The following ZNF532 variants were observed in gnomAD, a reference collection of about 807,000 sequenced individuals.
ZNF532 encodes zinc finger protein 532.
A neutral mutation model predicts 89.3 loss-of-function variants in ZNF532; 22 were observed. That is an observed-to-expected ratio of 0.25 (90% confidence interval 0.18 to 0.35). The LOEUF (loss-of-function observed/expected upper bound fraction) is 0.35. ZNF532 is among the 10% of genes least tolerant of loss of function. ZNF532 has a pLI of 1.00. For missense variants in ZNF532, 1,132 were observed against 1,643.4 expected (o/e 0.69, Z 5.38); for synonymous variants, 606 against 649.6 (o/e 0.93, Z 1.02).
intron 7 of ZNF532, among the ~76,000 whole-genome samples, chr18:58,973,128 T>A (rs1170765957): frequency 1.3e-5 from 2 of 152,210 alleles, no homozygotes; most frequent in Non-Finnish European, 2.9e-5. Flanking sequence ...GACAGAGTTT[T>A]CACTCACTCT....
chr18:58,888,815 T>TATAA (rs1555709407), intron 2 of ZNF532, among the ~76,000 whole-genome samples: 1 of 16,796 alleles, frequency 6.0e-5, no homozygotes, highest in South Asian at 1.7e-3. Context: ...ATATAAAAAA[T>TATAA]TATATATATA....
At chr18:58,910,361 T>C (rs1171379001) in intron 2 of ZNF532, among the ~76,000 whole-genome samples, 1 of 152,230 alleles carries the variant, frequency 6.6e-6, no homozygotes, top group African/African-American at 2.4e-5. Flanking sequence ...AGTCATGTTA[T>C]TCATTTGTAT....
chr18:58,950,666 CA>C (rs2064071257), intron 6 of ZNF532, among the ~76,000 whole-genome samples: 6 of 151,306 alleles, frequency 4.0e-5, no homozygotes, highest in Admixed American at 3.9e-4. Flanking sequence ...CTTCTCCTAC[CA>C]AAATATAAAC....
At chr18:58,957,710 A>G (rs2147125349) in intron 7 of ZNF532, among the ~76,000 whole-genome samples, 1 of 152,304 alleles carries the variant, frequency 6.6e-6, no homozygotes, top group African/African-American at 2.4e-5. Flanking sequence ...TTTACTAAAA[A>G]GAAATATTCT....
At chr18:58,923,267 G>A (rs1326632275) in intron 3 of ZNF532, among the ~76,000 whole-genome samples, 1 of 151,472 alleles carries the variant, frequency 6.6e-6, no homozygotes. Context: ...AGGACCAGCA[G>A]TGTGAAAAGG....
rs78697584 is a variant in ZNF532, at chr18:58,921,616, A to G, written c.2346+983A>G. Reference sequence around the variant, plus strand: ...TTGTTTTGTAGTGAAGTGCAGGTCAATGTTGGTGAATTACATTTCACAGTG... The same window carrying G: ...TTGTTTTGTAGTGAAGTGCAGGTCAGTGTTGGTGAATTACATTTCACAGTG... On this transcript the variant is annotated intron_variant, in intron 3 of 9. Coordinates refer to ENST00000591808, the MANE Select transcript of ZNF532 (RefSeq NM_001375912.1). Among the ~76,000 whole-genome samples the G allele has an allele frequency of 4.9e-3, 749 of 152,340 alleles. 7 individuals carry two copies. Among genetic ancestry groups the G allele is most frequent in the African/African-American group, 0.016 (679 of 41,570 alleles).
intron 2 of ZNF532, among the ~76,000 whole-genome samples, chr18:58,909,810 G>A (rs1173068935): frequency 6.6e-6 from 1 of 152,310 alleles, no homozygotes; most frequent in South Asian, 2.1e-4. Flanking sequence ...TCAGGGAGGC[G>A]CTATGGCCAC....
chr18:58,933,018 C>T (rs1037862215), intron 3 of ZNF532, among the ~76,000 whole-genome samples: 1 of 152,026 alleles, frequency 6.6e-6, no homozygotes, highest in Non-Finnish European at 1.5e-5. Context: ...AATTCCCTGC[C>T]TGGGACTGTG....
intron 5 of ZNF532, among the ~76,000 whole-genome samples, chr18:58,947,439 A>C (rs1229327211): frequency 1.3e-5 from 2 of 152,234 alleles, no homozygotes; most frequent in African/African-American, 2.4e-5. Context: ...GAGACAAGTG[A>C]ATATTTTAAG....
intron 2 of ZNF532, among the ~76,000 whole-genome samples, chr18:58,878,254 CAAAAAACAA>C: frequency 7.2e-6 from 1 of 138,078 alleles, no homozygotes; most frequent in Admixed American, 7.4e-5. Context: ...GACTCCATCT[CAAAAAACAA>C]AAAAAACAAA....
chr18:58,931,542 G>A lies in ZNF532; in HGVS notation c.2347-2891G>A, dbSNP rs2061965293. ...GGAACAGTGAATACAACTTGAGGGA[G>A]TACAGCTAAGCAAATGATGTCATGT... is the stretch of plus-strand genomic sequence containing the variant. On this transcript the variant is annotated intron_variant, in intron 3 of 9. Transcript: ENST00000591808. The A allele has an allele frequency of 2.6e-5, 4 of 152,192 alleles. 1 individual carries two copies. In the South Asian group the frequency reaches 8.3e-4, roughly 31 times the overall value. The allele number at this position is 152,192 out of a possible 1,614,324, so 9.4% of individuals were successfully genotyped here. A position where few individuals can be genotyped will look rare whatever the true frequency, so the allele number is the denominator to read the frequency against.
intron 5 of ZNF532, among the ~76,000 whole-genome samples, chr18:58,944,136 C>T (rs781576823): frequency 3.3e-5 from 5 of 152,056 alleles, no homozygotes; most frequent in Non-Finnish European, 4.4e-5. Context: ...AGGTGTATGA[C>T]GCGGAGGGTG....
chr18:58,961,217 C>G (rs1009061969), intron 7 of ZNF532, among the ~76,000 whole-genome samples: 1 of 152,180 alleles, frequency 6.6e-6, no homozygotes, highest in Non-Finnish European at 1.5e-5. Flanking sequence ...TCTCACAAGC[C>G]CTAGCTGATG....
At chr18:58,885,217 G>A (rs1329336818) in intron 2 of ZNF532, among the ~76,000 whole-genome samples, 3 of 152,082 alleles carry the variant, frequency 2.0e-5, no homozygotes, top group Admixed American at 1.3e-4. Flanking sequence ...TCGAACTCCC[G>A]ACCTCAGGTG....
intron 7 of ZNF532, among the ~76,000 whole-genome samples, chr18:58,975,557 G>A (rs752680479): frequency 9.2e-5 from 14 of 152,220 alleles, no homozygotes; most frequent in Non-Finnish European, 1.8e-4. Context: ...TGCCAAGGCC[G>A]TACCATCCCA....
chr18:58,903,792 A>T (rs918017185), intron 2 of ZNF532, among the ~76,000 whole-genome samples: 1 of 152,242 alleles, frequency 6.6e-6, no homozygotes, highest in African/African-American at 2.4e-5. Context: ...CAAAAACCAG[A>T]TTTGAACCTC....
At chr18:58,952,393 C>T (rs760315931) in intron 6 of ZNF532, among the ~76,000 whole-genome samples, 21 of 151,960 alleles carry the variant, frequency 1.4e-4, no homozygotes, top group Non-Finnish European at 2.9e-4. Flanking sequence ...TCTCCTCCAC[C>T]CTCTTTTTTT....
At chr18:58,876,391 G>A (rs777337498) in intron 2 of ZNF532, among the ~76,000 whole-genome samples, 4 of 152,110 alleles carry the variant, frequency 2.6e-5, no homozygotes, top group Admixed American at 6.5e-5. Flanking sequence ...CCTTGGTCTC[G>A]GACCTGCTTC....
Position 58,919,243 on chromosome 18 carries a change from A to G in ZNF532, c.956A>G (p.Asn319Ser), listed in dbSNP as rs746839282. 6.2e-7 allele frequency: 1 copy of G among 1,614,054 alleles called. No homozygotes were observed. The highest frequency in any genetic ancestry group is 1.1e-5 in the South Asian group (1 of 91,074). The change falls in exon 3 of 10, where the codon AAT (asparagine) becomes AGT (serine). Residue 319 changes from asparagine (N) to serine (S), a missense_variant. Transcript: ENST00000591808. The surrounding 1 kb of genome is among the most constrained non-coding windows in gnomAD (Gnocchi z 6.1). The stretch of plus-strand genomic sequence containing the variant: ...GCTGACAAGTCTCCTGAATCCCAGA[A>G]TCTCATCGACGGGACCAAAAAACCA... ...RAADKSPESQ[N>S]LIDGTKKPSL... is the part of the protein sequence containing the mutation.
Sources: gnomAD v4.1 joint callset for allele counts (sites outside exome capture counted in the v4.1 genomes callset) on GRCh38, gnomAD v4.1.1 for gene constraint, Gnocchi (gnomAD v3.1) non-coding constraint, MANE v1.5 for transcripts, NCBI Gene and HGNC (gene_info 2026-07-23, HGNC 2026-07-21) for gene names.